SUSD5: variants seen among roughly 807,000 people sequenced by gnomAD.
The protein encoded by SUSD5 is sushi domain-containing protein 5.
Under a neutral mutation model 29.5 loss-of-function variants are expected in SUSD5, and 33 were observed. The ratio of observed to expected loss-of-function variants is 1.12; its 90% CI spans 0.85 to 1.49. The LOEUF is 1.49. SUSD5 is among the 40% of genes most tolerant of loss of function. SUSD5 has a pLI of 0.00. For synonymous variants in SUSD5, 308 were observed against 325.3 expected, an observed-to-expected ratio of 0.95 and a Z score of 0.57; for missense variants, 776 against 800.6, an observed-to-expected ratio of 0.97 and a Z score of 0.37.
At chr3:33,168,524 G>A (rs898283989) in intron 4 of SUSD5, 1 of 985,290 alleles carries the variant, frequency 1.0e-6, no homozygotes, top group African/African-American at 1.7e-5. Context: ...ACTTACTGAG[G>A]GGACAGCTAG....
chr3:33,167,811 T>C lies in SUSD5; in HGVS notation c.598+7075A>G, dbSNP rs2031335738. ...AAGCCCAGCTCTCTGCCTGTGGAGG[T>C]ACTGTATCTCTCACCTCCCCTCTGC... On this transcript the variant is annotated intron_variant, in intron 4 of 4. Transcript: ENST00000309558. This position sits in a 1 kb window ranked among gnomAD's most constrained non-coding sequence, Gnocchi z 4.1. Among the ~76,000 whole-genome samples, 1 of 152,128 alleles carries C rather than the reference T, an allele frequency of 6.6e-6. No homozygotes were observed. The highest frequency in any genetic ancestry group is 1.5e-5 in the Non-Finnish European group (1 of 68,034).
chr3:33,153,918 T>G lies in SUSD5; in HGVS notation c.714A>C (p.Gly238=). Residue 238 remains glycine, a synonymous_variant, in exon 5 of 5, where the codon GGA becomes GGC. Coordinates refer to ENST00000309558, the MANE Select transcript of SUSD5 (RefSeq NM_015551.2). ...GTTTTGGAGCCTCCTCAGAGGAGTCTCCCTGACCCCTGTCCTCATCTGCCT... is the reference window on the plus strand; with the variant it reads ...GTTTTGGAGCCTCCTCAGAGGAGTCGCCCTGACCCCTGTCCTCATCTGCCT... ...RTEADEDRGQ[G]DSSEEAPKQD... is the part of the protein sequence containing the mutation. 6.2e-7 allele frequency: 1 copy of G among 1,613,940 alleles called. No homozygotes were observed. Among genetic ancestry groups the G allele is most frequent in the Non-Finnish European group, 8.5e-7 (1 of 1,179,892 alleles).
At chr3:33,179,542 T>C (rs1460300552) in intron 3 of SUSD5, among the ~76,000 whole-genome samples, 2 of 152,226 alleles carry the variant, frequency 1.3e-5, no homozygotes, top group Non-Finnish European at 2.9e-5. Context: ...CTCTGGAATA[T>C]AGGTCTTATG....
intron 3 of SUSD5, among the ~76,000 whole-genome samples, chr3:33,180,961 A>G (rs759484992): frequency 7.9e-5 from 12 of 150,964 alleles, no homozygotes; most frequent in Non-Finnish European, 1.3e-4. Context: ...CTGGGGTTGC[A>G]GGCATGAGCC....
chr3:33,194,187 T>C (rs771037664), intron 3 of SUSD5, among the ~76,000 whole-genome samples: 3 of 152,166 alleles, frequency 2.0e-5, no homozygotes, highest in Admixed American at 6.5e-5. Context: ...TAGGATTCCA[T>C]CCCTGACCCA....
At chr3:33,190,244 C>A in intron 3 of SUSD5, 1 of 161,388 alleles carries the variant, frequency 6.2e-6, no homozygotes, top group Non-Finnish European at 1.4e-5. Context: ...TCGTTAGCAG[C>A]TTTTTTGAGA....
rs529899504 is a variant in SUSD5, at chr3:33,197,329, C to T, written c.409+10479G>A. 5.3e-5 allele frequency among the ~76,000 whole-genome samples: 8 copies of T among 152,198 alleles called. No homozygotes were observed. The East Asian group carries it at 9.7e-4, about 18-fold the overall frequency. On this transcript the variant is annotated intron_variant, in intron 3 of 4. Coordinates refer to ENST00000309558, the MANE Select transcript of SUSD5 (RefSeq NM_015551.2). Reference sequence around the variant, plus strand: ...ATCTGAATAGAGAGAATGATAACACCCTGCCTACAGTATTGCCTTGCTGAT... The same window carrying T: ...ATCTGAATAGAGAGAATGATAACACTCTGCCTACAGTATTGCCTTGCTGAT...
Position 33,153,192 on chromosome 3 carries a change from T to C in SUSD5, c.1440A>G (p.Glu480=). ...STLPWRFITE[E]SPMATLSYEL... is the part of the protein sequence containing the mutation. ...CATAGGACAGGGTGGCCATGGGAGA[T>C]TCCTCTGTGATGAATCTCCAGGGTA... Residue 480 remains glutamate (E), a synonymous_variant, in exon 5 of 5, where the codon GAA becomes GAG. Coordinates refer to ENST00000309558, the MANE Select transcript of SUSD5 (RefSeq NM_015551.2). The C allele has an allele frequency of 6.2e-7, 1 of 1,613,748 alleles. No individual in the cohort carries two copies. Among genetic ancestry groups the C allele is most frequent in the South Asian group, 1.1e-5 (1 of 91,038 alleles).
intron 4 of SUSD5, among the ~76,000 whole-genome samples, chr3:33,160,005 G>A (rs573592504): frequency 6.6e-6 from 1 of 152,286 alleles, no homozygotes; most frequent in South Asian, 2.1e-4. Flanking sequence ...GAGAGAACCA[G>A]ACCAGTAACC....
At chr3:33,184,638 G>GT (rs35072574) in intron 3 of SUSD5, among the ~76,000 whole-genome samples, 87,542 of 151,822 alleles carry the variant, frequency 0.58, 26,263 homozygotes, top group Middle Eastern at 0.7. Context: ...TTGTTTTTCA[G>GT]TTTTGGAAGT....
At chr3:33,179,890 G>A (rs1039475572) in intron 3 of SUSD5, among the ~76,000 whole-genome samples, 10 of 152,172 alleles carry the variant, frequency 6.6e-5, no homozygotes, top group East Asian at 1.9e-4. Flanking sequence ...TAATGGAGCT[G>A]AAAAATTTTT....
chr3:33,192,648 A>C (rs2031916272), intron 3 of SUSD5, among the ~76,000 whole-genome samples: 2 of 151,688 alleles, frequency 1.3e-5, no homozygotes, highest in Non-Finnish European at 2.9e-5. Flanking sequence ...TCTCTACTAA[A>C]AATATAAAAA....
intron 3 of SUSD5, among the ~76,000 whole-genome samples, chr3:33,177,744 C>G (rs183494788): frequency 4.8e-4 from 73 of 152,248 alleles, no homozygotes; most frequent in African/African-American, 1.7e-3. Flanking sequence ...AACTTTTGTA[C>G]GTTAACCTTG....
rs1025407109 is a variant in SUSD5, at chr3:33,167,839, TC to T, written c.598+7046del. On this transcript the variant is annotated intron_variant, in intron 4 of 4. Transcript: ENST00000309558. This position sits in a 1 kb window ranked among gnomAD's most constrained non-coding sequence, Gnocchi z 4.1. ...TGTATCTCTCACCTCCCCTCTGCTT[TC>T]CTGAGTCTGCACTCTGACTCAGATC... Among the ~76,000 whole-genome samples, 6 of 152,182 alleles carry T rather than the reference TC, an allele frequency of 3.9e-5. No homozygotes were observed. Among genetic ancestry groups the T allele is most frequent in the African/African-American group, 1.4e-4 (6 of 41,436 alleles).
At chr3:33,157,193 T>G (rs906171505) in intron 4 of SUSD5, among the ~76,000 whole-genome samples, 5 of 152,200 alleles carry the variant, frequency 3.3e-5, no homozygotes. Flanking sequence ...TGCTAGAGTT[T>G]GGGATCACTG....
chr3:33,184,259 G>T (rs1241561063), intron 3 of SUSD5, among the ~76,000 whole-genome samples: 2 of 151,974 alleles, frequency 1.3e-5, no homozygotes, highest in Non-Finnish European at 2.9e-5. Flanking sequence ...CTTCTTTCTT[G>T]CATGGTTTCA....
intron 3 of SUSD5, among the ~76,000 whole-genome samples, chr3:33,191,851 G>A (rs2031897593): frequency 6.6e-6 from 1 of 152,112 alleles, no homozygotes; most frequent in African/African-American, 2.4e-5. Context: ...CAGCTGAGGT[G>A]GGAGGATCTG....
chr3:33,204,781 A>G lies in SUSD5; in HGVS notation c.409+3027T>C, dbSNP rs1216589502. On this transcript the variant is annotated intron_variant, in intron 3 of 4. Coordinates refer to ENST00000309558, the MANE Select transcript of SUSD5 (RefSeq NM_015551.2). The surrounding 1 kb of genome is among the most constrained non-coding windows in gnomAD (Gnocchi z 4.5). Reference sequence around the variant, plus strand: ...TCATGCCTCAGCCTCCTGAGTGGCTAGGATTACAGGCATGCACCACTACAT... The same window carrying G: ...TCATGCCTCAGCCTCCTGAGTGGCTGGGATTACAGGCATGCACCACTACAT... Among the ~76,000 whole-genome samples, 3 of 152,060 alleles carry G rather than the reference A, an allele frequency of 2.0e-5. No homozygotes were observed. The highest frequency in any genetic ancestry group is 1.3e-4 in the Admixed American group (2 of 15,246).
In SUSD5 at chr3:33,174,881, C is replaced by T; in HGVS notation, c.598+5G>A. The T allele has an allele frequency of 6.2e-7, 1 of 1,613,834 alleles. No homozygotes were observed. The highest frequency in any genetic ancestry group is 8.5e-7 in the Non-Finnish European group (1 of 1,179,816). On this transcript the variant is annotated splice_donor_5th_base_variant and intron_variant, in intron 4 of 4. Coordinates refer to ENST00000309558, the MANE Select transcript of SUSD5 (RefSeq NM_015551.2). ...GCGAAGGTGGCCCATCCCTGGGCTG[C>T]TTACCTTTCCCACAGGCCTGCACCA...
Sources: gnomAD v4.1 joint callset for allele counts (sites outside exome capture counted in the v4.1 genomes callset) on GRCh38, gnomAD v4.1.1 for gene constraint, Gnocchi (gnomAD v3.1) non-coding constraint, MANE v1.5 for transcripts, NCBI Gene and HGNC (gene_info 2026-07-23, HGNC 2026-07-21) for gene names.